The following SUN5 variants were observed in gnomAD, a reference collection of about 807,000 sequenced individuals.
The protein encoded by SUN5 is Sad1 and UNC84 domain containing 5, also known as SUN domain-containing protein 5.
In SUN5, 44 loss-of-function variants were observed where a neutral mutation model predicts 53.7. The observed-to-expected ratio is 0.82, with a 90% CI of 0.64 to 1.05. SUN5 has a LOEUF of 1.05. SUN5 is among the 50% of genes least tolerant of loss of function. The pLI is 0.00. For missense variants in SUN5, 433 were observed against 483.8 expected, an observed-to-expected ratio of 0.90 and a Z score of 0.98; for synonymous variants, 166 against 179.8, an observed-to-expected ratio of 0.92 and a Z score of 0.62.
chr20:32,985,956 C>T (rs1224637328), intron 10 of SUN5, 53 bp from the exon 11 acceptor site: 1 of 1,569,738 alleles, frequency 6.4e-7, no homozygotes, highest in Admixed American at 1.7e-5. Context: ...GGGGATCATC[C>T]CACCTTTGAT....
At chr20:33,001,305 C>T in intron 3 of SUN5, 27 bp from the exon 4 acceptor site, 1 of 1,560,692 alleles carries the variant, frequency 6.4e-7, no homozygotes, top group Non-Finnish European at 8.7e-7. Flanking sequence ...AAAGCAGTGA[C>T]TCACTACGCC....
intron 5 of SUN5, among the ~76,000 whole-genome samples, chr20:32,998,175 C>CCAAA (rs1362155973): frequency 5.0e-5 from 3 of 59,734 alleles, no homozygotes; most frequent in East Asian, 1.1e-3. Flanking sequence ...CCCATCTCTA[C>CCAAA]AAAAAAAAAA....
At chr20:33,000,233 T>A (rs1989965392) in intron 4 of SUN5, 98 bp from the exon 5 acceptor site, 2 of 1,406,642 alleles carry the variant, frequency 1.4e-6, no homozygotes, top group African/African-American at 2.9e-5. Flanking sequence ...GGCATGCTGT[T>A]TGCCCTATCC....
intron 11 of SUN5, 117 bp downstream of exon 11, chr20:32,985,619 A>G: frequency 7.5e-7 from 1 of 1,328,590 alleles, no homozygotes; most frequent in African/African-American, 1.5e-5. Flanking sequence ...ACCAAGCTGC[A>G]TTCAGCCCCT....
chr20:32,990,864 A>G (rs755016411), intron 8 of SUN5, among the ~76,000 whole-genome samples: 4 of 152,234 alleles, frequency 2.6e-5, no homozygotes, highest in Admixed American at 6.5e-5. Context: ...ATCTCTGAGC[A>G]CAAGTGGTTG....
At chr20:33,003,382 AACGATGCTTATTCTCCTTCCCCTAG>A (rs1990105683) in intron 1 of SUN5, among the ~76,000 whole-genome samples, 2 of 152,012 alleles carry the variant, frequency 1.3e-5, no homozygotes, top group Admixed American at 6.6e-5. Flanking sequence ...ACCCACAGAA[AACGATGCTTATTCTCCTTCCCCTAG>A]ACGCCACATT....
In SUN5 at chr20:32,983,899, G is replaced by C. The variant is rs140018693; in HGVS notation, c.1035C>G (p.Asn345Lys). ...FSAVKVKISS[N>K]WGNPGFTCLY... ...GGCAAGTGAAGCCTGGGTTCCCCCA[G>C]TTGCTTGAGATCTTCACCTTGACCG... The change falls in exon 13 of 13, where the codon AAC becomes AAG. Residue 345 changes from asparagine (N) to lysine (K), a missense_variant. Coordinates refer to ENST00000356173, the MANE Select transcript of SUN5 (RefSeq NM_080675.4). The C allele has an allele frequency of 3.8e-6, 6 of 1,599,426 alleles. No individual in the cohort carries two copies. Among genetic ancestry groups the C allele is most frequent in the African/African-American group, 1.3e-5 (1 of 74,720 alleles).
At chr20:32,997,248 C>T (rs970186650) in intron 6 of SUN5, among the ~76,000 whole-genome samples, 3 of 152,168 alleles carry the variant, frequency 2.0e-5, no homozygotes, top group Non-Finnish European at 2.9e-5. Flanking sequence ...CTTATTTCCT[C>T]CTCCTTCCTC....
chr20:33,000,391 G>C (rs1057385462), intron 4 of SUN5, among the ~76,000 whole-genome samples: 5 of 152,214 alleles, frequency 3.3e-5, no homozygotes, highest in Admixed American at 6.5e-5. Context: ...CTCATGAGTG[G>C]CAGGGCTGAG....
Position 32,996,353 on chromosome 20 carries a change from G to C in SUN5, c.396C>G (p.Asp132Glu), listed in dbSNP as rs371619800. 8.1e-6 allele frequency: 13 copies of C among 1,613,076 alleles called. No individual in the cohort carries two copies. The South Asian group carries it at 8.8e-5, about 11-fold the overall frequency. Residue 132 changes from aspartate (D) to glutamate (E), a missense_variant, in exon 7 of 13, where the codon GAC becomes GAG. Coordinates refer to ENST00000356173, the MANE Select transcript of SUN5 (RefSeq NM_080675.4). ...LPSKMKVWQD[D>E]SINGPLQSLR... ...AGCTCTGCAGTGGACCATTTATGCT[G>C]TCATCCTGGTGGAGTATTGAGAAAG... is the stretch of plus-strand genomic sequence containing the variant.
chr20:32,995,812 C>A, intron 7 of SUN5, 85 bp from the exon 8 acceptor site: 1 of 1,262,320 alleles, frequency 7.9e-7, no homozygotes, highest in Non-Finnish European at 1.2e-6. Flanking sequence ...CTAGTTGGCT[C>A]TCAAAGAATG....
chr20:32,985,060 T>G, intron 12 of SUN5, 39 bp downstream of exon 12: 1 of 1,595,376 alleles, frequency 6.3e-7, no homozygotes, highest in Non-Finnish European at 8.6e-7. Flanking sequence ...ACACTGTGCA[T>G]TCAGCAGGTG....
intron 4 of SUN5, 55 bp from the exon 5 acceptor site, chr20:33,000,190 T>A (rs570822081): frequency 3.9e-6 from 6 of 1,548,308 alleles, no homozygotes; most frequent in Non-Finnish European, 4.4e-6. Context: ...TGCCAAGTGT[T>A]CACCCTCCTC....
At chr20:32,996,216 C>G in intron 7 of SUN5, 108 bp downstream of exon 7, 1 of 1,144,880 alleles carries the variant, frequency 8.7e-7, no homozygotes, top group Admixed American at 2.1e-5. Context: ...GATTTAAACC[C>G]AGGTTGATCT....
At chr20:32,999,059 C>T (rs542449023) in intron 5 of SUN5, among the ~76,000 whole-genome samples, 18 of 151,880 alleles carry the variant, frequency 1.2e-4, no homozygotes, top group Non-Finnish European at 1.6e-4. Flanking sequence ...AAGTAAAGGT[C>T]GTCCAGATTA....
At chr20:32,999,812 A>G in intron 5 of SUN5, 1 of 1,173,668 alleles carries the variant, frequency 8.5e-7, no homozygotes, top group Non-Finnish European at 1.2e-6. Flanking sequence ...GTGGCTGGAA[A>G]GAAGCCATGG....
chr20:33,001,395 T>G, intron 3 of SUN5, 117 bp from the exon 4 acceptor site: 1 of 1,157,858 alleles, frequency 8.6e-7, no homozygotes, highest in Non-Finnish European at 1.2e-6. Context: ...CCCTCTCGAC[T>G]TGTTGGCCGA....
At chr20:32,985,053 CTG>C (rs754472963) in intron 12 of SUN5, 44 bp downstream of exon 12, 17 of 1,592,628 alleles carry the variant, frequency 1.1e-5, no homozygotes, top group Non-Finnish European at 1.4e-5. Context: ...AGACTGCACA[CTG>C]TGCATTCAGC....
In SUN5 at chr20:32,997,634, T is replaced by G. The variant is rs766073380; in HGVS notation, c.390+4A>C. 2 of 1,613,986 alleles carry G rather than the reference T, an allele frequency of 1.2e-6. No individual in the cohort carries two copies. Among genetic ancestry groups the G allele is most frequent in the Admixed American group, 3.3e-5 (2 of 60,016 alleles). ...TGTGGGGCCTGAGGAGGGTGCACACTCACCTGCCAGACTTTCATTTTCGAT... is the reference window on the plus strand; with the variant it reads ...TGTGGGGCCTGAGGAGGGTGCACACGCACCTGCCAGACTTTCATTTTCGAT... On this transcript the variant is annotated splice_donor_region_variant and intron_variant, in intron 6 of 12. Coordinates refer to ENST00000356173, the MANE Select transcript of SUN5 (RefSeq NM_080675.4).
Sources: allele counts gnomAD v4.1 joint callset (sites outside exome capture counted in the v4.1 genomes callset), GRCh38; gene constraint gnomAD v4.1.1; transcripts MANE v1.5; gene names NCBI Gene and HGNC (gene_info 2026-07-23, HGNC 2026-07-21).